PARP15: variants seen among roughly 807,000 people sequenced by gnomAD.
The protein encoded by PARP15 is poly(ADP-ribose) polymerase family member 15.
A neutral mutation model predicts 62.1 loss-of-function variants in PARP15; 50 were observed. That is an observed-to-expected ratio of 0.81 (90% confidence interval 0.64 to 1.02). The LOEUF (loss-of-function observed/expected upper bound fraction) is 1.02. Ranked by LOEUF, PARP15 falls within the 50% of genes least tolerant of loss-of-function variation. PARP15 has a pLI of 0.00. For missense variants in PARP15, 820 were observed against 826.5 expected (o/e 0.99, Z 0.10); for synonymous variants, 309 against 293.1 (o/e 1.05, Z -0.55).
chr3:122,624,473 G>T (rs769197730), intron 8 of PARP15, among the ~76,000 whole-genome samples: 1 of 152,176 alleles, frequency 6.6e-6, no homozygotes, highest in Non-Finnish European at 1.5e-5. Context: ...CTTCATACCT[G>T]TGACATGGAA....
chr3:122,609,591 A>G (rs148350014), intron 2 of PARP15, among the ~76,000 whole-genome samples: 2,462 of 151,942 alleles, frequency 0.016, 66 homozygotes, highest in African/African-American at 0.054. Context: ...CCCGCTACTC[A>G]GGAGGCTGAG....
chr3:122,587,088 A>T (rs6809449), intron 1 of PARP15, among the ~76,000 whole-genome samples: 2 of 151,460 alleles, frequency 1.3e-5, no homozygotes, highest in African/African-American at 4.9e-5. Flanking sequence ...ATATGCCTTA[A>T]GTTTCCTCTG....
At position 122,615,842 on chromosome 3, in the gene PARP15, G is replaced by A. The variant is rs1194108456; in HGVS notation, c.835G>A (p.Ala279Thr). ...TCCCAACAAGGCCAGGATTCCCATG[G>A]CAGGAGATACCCAAGGTCTGGTAAA... ...INPNKARIPM[A>T]GDTQGVVGTV... Residue 279 changes from alanine (A) to threonine (T), a missense_variant, in exon 5 of 12, where the codon GCA becomes ACA. Ala to Thr is a moderately conservative substitution (Grantham distance 58). Transcript: ENST00000464300. 1.2e-6 allele frequency: 2 copies of A among 1,612,994 alleles called. No individual in the cohort carries two copies. Among genetic ancestry groups the A allele is most frequent in the South Asian group, 2.2e-5 (2 of 90,888 alleles).
At chr3:122,593,953 A>G (rs939578625) in intron 1 of PARP15, among the ~76,000 whole-genome samples, 2 of 152,212 alleles carry the variant, frequency 1.3e-5, no homozygotes, top group South Asian at 4.1e-4. Flanking sequence ...CACTTACTCT[A>G]TGCCAGGCAC....
chr3:122,587,576 G>T (rs1045134310), intron 1 of PARP15, among the ~76,000 whole-genome samples: 1 of 152,052 alleles, frequency 6.6e-6, no homozygotes, highest in African/African-American at 2.4e-5. Flanking sequence ...CTGTCCCGCA[G>T]GCTGGAGTGC....
At chr3:122,632,055 G>A in intron 9 of PARP15, 31 bp from the exon 10 acceptor site, 4 of 1,613,702 alleles carry the variant, frequency 2.5e-6, no homozygotes, top group Non-Finnish European at 3.4e-6. Context: ...GGAAATGAAT[G>A]TTGTGTTTTG....
At chr3:122,612,662 G>A (rs1052454786) in intron 3 of PARP15, among the ~76,000 whole-genome samples, 3 of 151,874 alleles carry the variant, frequency 2.0e-5, no homozygotes, top group Non-Finnish European at 4.4e-5. Context: ...GGATGGTCTC[G>A]ATCTCCTGAC....
At chr3:122,601,069 C>A (rs1934764430) in intron 1 of PARP15, among the ~76,000 whole-genome samples, 1 of 90,118 alleles carries the variant, frequency 1.1e-5, no homozygotes. Context: ...TGAGACGGAG[C>A]CTTGCTCTGT....
Position 122,635,065 on chromosome 3 carries a change from A to G in PARP15, c.1618A>G (p.Lys540Glu). The G allele has an allele frequency of 6.2e-7, 1 of 1,614,080 alleles. No individual in the cohort carries two copies. The highest frequency in any genetic ancestry group is 8.5e-7 in the Non-Finnish European group (1 of 1,179,972). ...ATTTCTCTGGCAGAGCTACCAGGTA[A>G]AGAAAAGGCAAATGGATATCAAGAA... ...NAFLWQSYQVKKRQMDIKNDH... is the reference protein window; with the variant it reads ...NAFLWQSYQVEKRQMDIKNDH... The change falls in exon 11 of 12, where the codon AAG (lysine) becomes GAG (glutamate). Residue 540 changes from lysine (K) to glutamate (E), a missense_variant. Physicochemically the swap from Lys to Glu is moderately conservative, Grantham distance 56 (BLOSUM62 1). This residue lies in a region of PARP15 where 731 missense variants were observed against 727.7 expected (regional missense o/e 1.00). Transcript: ENST00000464300.
At position 122,636,013 on chromosome 3, in the gene PARP15, G is replaced by A; in HGVS notation, c.1950G>A (p.Val650=). 6.2e-7 allele frequency: 1 copy of A among 1,614,068 alleles called. No homozygotes were observed. The highest frequency in any genetic ancestry group is 8.5e-7 in the Non-Finnish European group (1 of 1,179,990). The change falls in exon 12 of 12, where the codon GTG becomes GTA. Residue 650 remains valine (V), a synonymous_variant. Coordinates refer to ENST00000464300, the MANE Select transcript of PARP15 (RefSeq NM_001113523.3). Reference sequence around the variant, plus strand: ...ATCCCACAGATCTCTTTGACTCAGTGACAAACAATACACGATCTCCAAAGC... The same window carrying A: ...ATCCCACAGATCTCTTTGACTCAGTAACAAACAATACACGATCTCCAAAGC... ...PHNPTDLFDS[V]TNNTRSPKLF... is the part of the protein sequence containing the mutation.
At chr3:122,628,662 A>T (rs1464458043) in intron 9 of PARP15, among the ~76,000 whole-genome samples, 1 of 152,224 alleles carries the variant, frequency 6.6e-6, no homozygotes, top group African/African-American at 2.4e-5. Flanking sequence ...AGCAAACAAA[A>T]AACTGACTAA....
chr3:122,578,153 T>A (rs2080723931), intron 1 of PARP15, among the ~76,000 whole-genome samples: 1 of 152,036 alleles, frequency 6.6e-6, no homozygotes, highest in Non-Finnish European at 1.5e-5. Flanking sequence ...CCTCCCAATT[T>A]ATTTTTTGTT....
At chr3:122,615,553 C>A in intron 4 of PARP15, 1 of 1,172,234 alleles carries the variant, frequency 8.5e-7, no homozygotes, top group Non-Finnish European at 1.2e-6. Context: ...GACATACTTG[C>A]CTGGACAGTG....
chr3:122,593,958 A>G (rs1247719899), intron 1 of PARP15, among the ~76,000 whole-genome samples: 1 of 152,212 alleles, frequency 6.6e-6, no homozygotes, highest in Non-Finnish European at 1.5e-5. Context: ...ACTCTATGCC[A>G]GGCACTGTGC....
In PARP15 at chr3:122,595,867, C is replaced by T. The variant is rs549436867; in HGVS notation, c.187-10069C>T. The stretch of plus-strand genomic sequence containing the variant: ...TTTTTATTCTTCTTTTCTCATTCCT[C>T]TTCTTTCCTCCAGTTCTTAATGTGG... On this transcript the variant is annotated intron_variant, in intron 1 of 11. Coordinates refer to ENST00000464300, the MANE Select transcript of PARP15 (RefSeq NM_001113523.3). 3.3e-5 allele frequency among the ~76,000 whole-genome samples: 5 copies of T among 152,036 alleles called. No individual in the cohort carries two copies. The South Asian group carries it at 1.0e-3, about 32-fold the overall frequency.
At chr3:122,632,818 C>T (rs1375734657) in intron 10 of PARP15, among the ~76,000 whole-genome samples, 1 of 152,124 alleles carries the variant, frequency 6.6e-6, no homozygotes, top group Non-Finnish European at 1.5e-5. Context: ...AATGTGTGAT[C>T]CATATTGAAA....
At chr3:122,635,743 A>T in intron 11 of PARP15, 68 bp from the exon 12 acceptor site, 1 of 1,506,632 alleles carries the variant, frequency 6.6e-7, no homozygotes, top group Admixed American at 2.1e-5. Flanking sequence ...ATTTTGTCAG[A>T]TTGGGCATGG....
intron 1 of PARP15, among the ~76,000 whole-genome samples, chr3:122,603,672 T>A (rs751295130): frequency 2.0e-5 from 3 of 152,166 alleles, no homozygotes; most frequent in Admixed American, 6.5e-5. Context: ...GGTTTTCTAG[T>A]CTTCACATCA....
At chr3:122,593,124 G>GTCTATCTATGTATC (rs1553727468) in intron 1 of PARP15, among the ~76,000 whole-genome samples, 3 of 133,450 alleles carry the variant, frequency 2.2e-5, no homozygotes, top group Admixed American at 1.4e-4. Context: ...ATCTATCTAT[G>GTCTATCTATGTATC]TATCTATCTA....
Sources: gnomAD v4.1 joint callset for allele counts (sites outside exome capture counted in the v4.1 genomes callset) on GRCh38, gnomAD v4.1.1 for gene constraint, gnomAD v4.1.1 regional missense constraint, MANE v1.5 for transcripts, NCBI Gene and HGNC (gene_info 2026-07-23, HGNC 2026-07-21) for gene names.